Variants in SIRPG observed in about 807,000 individuals in gnomAD.
The protein encoded by SIRPG is signal regulatory protein gamma, also known as signal-regulatory protein gamma.
A neutral mutation model predicts 35.7 loss-of-function variants in SIRPG; 38 were observed. The ratio of observed to expected loss-of-function variants is 1.06; its 90% CI spans 0.82 to 1.40. The LOEUF (loss-of-function observed/expected upper bound fraction) is 1.40, where lower values mean the gene tolerates loss of function less well. Ranked by LOEUF, SIRPG falls within the 40% of genes most tolerant of loss-of-function variation. The pLI, the probability that SIRPG is intolerant of heterozygous loss-of-function variation, is 0.00. For synonymous variants in SIRPG, 215 were observed against 190.4 expected (o/e 1.13, Z -1.06); for missense variants, 519 against 483.0 (o/e 1.07, Z -0.70).
At chr20:1,667,230 C>T in the SIRPG span, among the ~76,000 whole-genome samples, 5 of 152,154 alleles carry the variant, frequency 3.3e-5, no homozygotes, top group Non-Finnish European at 5.9e-5. Context: ...CTACTGTGTT[C>T]TAATTGCCTA....
chr20:1,679,554 T>G, the SIRPG span, among the ~76,000 whole-genome samples: 1 of 152,114 alleles, frequency 6.6e-6, no homozygotes, highest in African/African-American at 2.4e-5. Context: ...TTGAGCCTGC[T>G]TCACGGAAGC....
At chr20:1,680,563 A>AATACTAG in the SIRPG span, among the ~76,000 whole-genome samples, 11 of 152,226 alleles carry the variant, frequency 7.2e-5, no homozygotes, top group Non-Finnish European at 1.5e-5. Flanking sequence ...TACTCAACCA[A>AATACTAG]ATACTAGCAA....
intron 3 of SIRPG, among the ~76,000 whole-genome samples, chr20:1,635,807 G>T (rs1321756983): frequency 1.3e-5 from 2 of 152,192 alleles, no homozygotes; most frequent in African/African-American, 2.4e-5. Flanking sequence ...TCAAGGACTG[G>T]TAGCTCCTAC....
chr20:1,668,248 T>TTTCTTTCTTTC, the SIRPG span, among the ~76,000 whole-genome samples: 8 of 106,136 alleles, frequency 7.5e-5, no homozygotes, highest in African/African-American at 2.7e-4. Context: ...TCTTTCTTTC[T>TTTCTTTCTTTC]TTTTCTTTTT....
At chr20:1,658,570 C>T (rs928670567), upstream of SIRPG, among the ~76,000 whole-genome samples, 8 of 152,146 alleles carry the variant, frequency 5.3e-5, no homozygotes, top group Non-Finnish European at 8.8e-5. Flanking sequence ...ATCCATGCTC[C>T]TGCCAAGAGT....
chr20:1,649,274 C>T lies in SIRPG; in HGVS notation c.208G>A (p.Val70Ile). ...TAGATTAATTCCCGGCCTGGTCCAA[C>T]TCCTCTGAACCACAGGACGGGTCCC... Reference protein sequence around the residue: ...PVGPVLWFRGVGPGRELIYNQ... With the variant: ...PVGPVLWFRGIGPGRELIYNQ... Residue 70 changes from valine (V) to isoleucine (I), a missense_variant, in exon 2 of 6, where the codon GTT becomes ATT. Physicochemically the swap from Val to Ile is conservative, Grantham distance 29. Coordinates refer to ENST00000303415, the MANE Select transcript of SIRPG (RefSeq NM_018556.4). The T allele has an allele frequency of 6.2e-7, 1 of 1,614,136 alleles. No homozygotes were observed. Among genetic ancestry groups the T allele is most frequent in the Non-Finnish European group, 8.5e-7 (1 of 1,180,040 alleles).
At chr20:1,635,038 G>C (rs867433004) in intron 4 of SIRPG, among the ~76,000 whole-genome samples, 1 of 117,148 alleles carries the variant, frequency 8.5e-6, no homozygotes, top group Non-Finnish European at 1.8e-5. Flanking sequence ...GCCAGACTCC[G>C]TCTCAAAAAA....
chr20:1,657,020 G>A (rs2091980157), intron 1 of SIRPG, among the ~76,000 whole-genome samples: 1 of 152,054 alleles, frequency 6.6e-6, no homozygotes, highest in South Asian at 2.1e-4. Flanking sequence ...TCACTGGCGG[G>A]GAGCCTTAAT....
At position 1,635,592 on chromosome 20, in the gene SIRPG, G is replaced by A; in HGVS notation, c.756C>T (p.Pro252=). ...ANLSEAIRVP[P]TLEVTQQPMR... is the part of the protein sequence containing the mutation. ...TGGGCTGTTGAGTAACCTCCAAGGT[G>A]GGTGGAACTGAAACAGCACAGGGTA... The change falls in exon 4 of 6, where the codon CCC becomes CCT. Residue 252 remains proline, a synonymous_variant. Transcript: ENST00000303415. 1 of 1,614,106 alleles carries A rather than the reference G, an allele frequency of 6.2e-7. No individual in the cohort carries two copies. The highest frequency in any genetic ancestry group is 8.5e-7 in the Non-Finnish European group (1 of 1,179,960).
rs147948383 is a variant in SIRPG at position 1,652,349 on chromosome 20, C to T, written c.74-2941G>A. 8.2e-3 allele frequency among the ~76,000 whole-genome samples: 1,256 copies of T among 152,306 alleles called. 14 individuals carry two copies. Among genetic ancestry groups the T allele is most frequent in the African/African-American group, 0.029 (1,209 of 41,548 alleles). On this transcript the variant is annotated intron_variant, in intron 1 of 5. Coordinates refer to ENST00000303415, the MANE Select transcript of SIRPG (RefSeq NM_018556.4). Reference sequence around the variant, plus strand: ...ATGGGTCCCACTGGAACTTAAACTTCTACTGAAACACAAAATTAAAATTTG... The same window carrying T: ...ATGGGTCCCACTGGAACTTAAACTTTTACTGAAACACAAAATTAAAATTTG...
chr20:1,673,007 A>G, the SIRPG span, among the ~76,000 whole-genome samples: 2 of 152,330 alleles, frequency 1.3e-5, no homozygotes, highest in East Asian at 3.9e-4. Context: ...AAATGAAGGC[A>G]GTTTCTTTCC....
chr20:1,653,456 G>A (rs1172634237), intron 1 of SIRPG, among the ~76,000 whole-genome samples: 5 of 152,160 alleles, frequency 3.3e-5, no homozygotes, highest in African/African-American at 1.2e-4. Flanking sequence ...GGCTTCAGTG[G>A]ACATTAGATG....
At chr20:1,683,302 T>C in the SIRPG span, among the ~76,000 whole-genome samples, 30 of 152,340 alleles carry the variant, frequency 2.0e-4, no homozygotes, top group African/African-American at 7.0e-4. Flanking sequence ...TTGGTGAGAA[T>C]GTAAATTAGT....
At chr20:1,653,447 G>T (rs996565665) in intron 1 of SIRPG, among the ~76,000 whole-genome samples, 2 of 152,176 alleles carry the variant, frequency 1.3e-5, no homozygotes, top group Admixed American at 6.5e-5. Context: ...AGGCTTGGAG[G>T]CTTCAGTGGA....
At chr20:1,670,444 G>T in the SIRPG span, among the ~76,000 whole-genome samples, 1 of 152,184 alleles carries the variant, frequency 6.6e-6, no homozygotes, top group South Asian at 2.1e-4. Context: ...GGTGCTCAAG[G>T]ACTGGTAGCT....
chr20:1,636,303 G>A lies in SIRPG; in HGVS notation c.633C>T (p.Ala211=), dbSNP rs369342332. The A allele has an allele frequency of 1.9e-6, 3 of 1,614,116 alleles. No homozygotes were observed. In the African/African-American group the frequency reaches 4.0e-5, roughly 22 times the overall value. Residue 211 remains alanine, a synonymous_variant, in exon 3 of 6, where the codon GCC becomes GCT. Transcript: ENST00000303415. ...QSVAYSIRST[A]RVVLDPWDVR... is the part of the protein sequence containing the mutation. ...CGTCCCAGGGGTCCAGTACCACCCT[G>A]GCTGTGCTGCGGATGCTGTAGGCCA... is the stretch of plus-strand genomic sequence containing the variant.
chr20:1,649,302 G>C lies in SIRPG; in HGVS notation c.180C>G (p.Pro60=), dbSNP rs199911378. ...TLHCTVTSLL[P]VGPVLWFRGV... ...CTCTGAACCACAGGACGGGTCCCAC[G>C]GGAAGCAGGGAGGTCACAGTGCAGT... Residue 60 remains proline (P), a synonymous_variant, in exon 2 of 6, where the codon CCC becomes CCG. Coordinates refer to ENST00000303415, the MANE Select transcript of SIRPG (RefSeq NM_018556.4). The C allele has an allele frequency of 3.2e-5, 51 of 1,614,084 alleles. No homozygotes were observed. The highest frequency in any genetic ancestry group is 4.1e-5 in the Non-Finnish European group (48 of 1,179,994).
the SIRPG span, among the ~76,000 whole-genome samples, chr20:1,678,789 A>G: frequency 6.6e-6 from 1 of 152,178 alleles, no homozygotes; most frequent in Non-Finnish European, 1.5e-5. Flanking sequence ...ACACATTATA[A>G]TCCAACTGTC....
At chr20:1,653,557 A>AT (rs368205017) in intron 1 of SIRPG, among the ~76,000 whole-genome samples, 3 of 152,088 alleles carry the variant, frequency 2.0e-5, no homozygotes, top group Non-Finnish European at 4.4e-5. Context: ...GTATCCCCAC[A>AT]TTTTTTTCCT....
Sources: allele counts gnomAD v4.1 joint callset (sites outside exome capture counted in the v4.1 genomes callset), GRCh38; gene constraint gnomAD v4.1.1; transcripts MANE v1.5; gene names NCBI Gene and HGNC (gene_info 2026-07-23, HGNC 2026-07-21).